The following ERG variants were observed in gnomAD, a reference collection of about 807,000 sequenced individuals.
ERG encodes transcriptional regulator ERG.
In ERG, 9 loss-of-function variants were observed where a neutral mutation model predicts 55.3. The observed-to-expected ratio is 0.16, with a 90% CI of 0.10 to 0.28. The LOEUF (loss-of-function observed/expected upper bound fraction) is 0.28. Among genes scored for constraint, ERG ranks in the 10% least tolerant of loss-of-function variants. The probability of loss-of-function intolerance (pLI) is 1.00; values close to 1 mark genes in which losing one functional copy is unlikely to be tolerated. For synonymous variants in ERG, 223 were observed against 237.3 expected, an observed-to-expected ratio of 0.94 and a Z score of 0.55; for missense variants, 434 against 631.6, an observed-to-expected ratio of 0.69 and a Z score of 3.35.
chr21:38,523,593 T>C (rs2059610200), intron 2 of ERG, among the ~76,000 whole-genome samples: 1 of 152,182 alleles, frequency 6.6e-6, no homozygotes, highest in South Asian at 2.1e-4. Context: ...CCCTGATGAA[T>C]GTTCAATATC....
chr21:38,575,851 A>G, intron 1 of ERG: 1 of 851,918 alleles, frequency 1.2e-6, no homozygotes, highest in Non-Finnish European at 1.9e-6. Flanking sequence ...AAAGAATCAT[A>G]GCTTTACATT....
rs78610550 is a variant in ERG at position 38,460,548 on chromosome 21, G to A, written c.19-14927C>T. ...AGCCATCCTTTGTCCCACATGCAAC[G>A]GGAACTTCCATTCATCATCACATGC... On this transcript the variant is annotated intron_variant, in intron 1 of 9. Coordinates refer to ENST00000288319, the MANE Select transcript of ERG (RefSeq NM_182918.4). The surrounding 1 kb of genome is among the most constrained non-coding windows in gnomAD (Gnocchi z 5.0). Among the ~76,000 whole-genome samples, 315 of 152,224 alleles carry A rather than the reference G, an allele frequency of 2.1e-3. 1 individual carries two copies. Among genetic ancestry groups the A allele is most frequent in the Non-Finnish European group, 2.8e-3 (188 of 68,022 alleles).
At chr21:38,556,008 A>G (rs1393836498) in intron 2 of ERG, among the ~76,000 whole-genome samples, 2 of 152,228 alleles carry the variant, frequency 1.3e-5, no homozygotes, top group East Asian at 1.9e-4. Context: ...AGGATATTCA[A>G]CATAGCCCTG....
intron 2 of ERG, among the ~76,000 whole-genome samples, chr21:38,558,716 C>T (rs940327874): frequency 6.6e-6 from 1 of 152,130 alleles, no homozygotes; most frequent in Non-Finnish European, 1.5e-5. Context: ...AAAGAAATCT[C>T]CCCGATTTAC....
intron 1 of ERG, among the ~76,000 whole-genome samples, chr21:38,476,982 G>T (rs7277249): frequency 1 from 147,573 of 147,574 alleles, 73,786 homozygotes; most frequent in Non-Finnish European, 1. Flanking sequence ...ATGCTTGAGA[G>T]ATTCTTTTTT....
intron 2 of ERG, among the ~76,000 whole-genome samples, chr21:38,551,184 G>GA (rs1172328239): frequency 2.0e-5 from 3 of 151,188 alleles, no homozygotes; most frequent in African/African-American, 7.3e-5. Flanking sequence ...TGTGGGTTCA[G>GA]TGGTAATGTC....
chr21:38,453,813 G>T (rs567677452), intron 1 of ERG, among the ~76,000 whole-genome samples: 3 of 151,852 alleles, frequency 2.0e-5, no homozygotes, highest in South Asian at 2.1e-4. Flanking sequence ...GAACCCGGGA[G>T]GGGGAGGCTG....
chr21:38,369,512 T>C, the ERG span, among the ~76,000 whole-genome samples: 1 of 152,234 alleles, frequency 6.6e-6, no homozygotes, highest in Non-Finnish European at 1.5e-5. Flanking sequence ...TCCTTATAGA[T>C]GCTGGATATT....
chr21:38,417,312 A>G (rs1989324248), intron 3 of ERG, among the ~76,000 whole-genome samples: 1 of 152,252 alleles, frequency 6.6e-6, no homozygotes, highest in South Asian at 2.1e-4. Flanking sequence ...ACACAGTAAG[A>G]GTTTAATGAA....
intron 1 of ERG, among the ~76,000 whole-genome samples, chr21:38,594,723 C>T (rs78074462): frequency 0.011 from 1,701 of 152,210 alleles, 26 homozygotes; most frequent in African/African-American, 0.038. Flanking sequence ...CTTATATGGA[C>T]GTCAGAGAGG....
intron 6 of ERG, among the ~76,000 whole-genome samples, chr21:38,397,673 G>A (rs576370601): frequency 6.6e-6 from 1 of 151,996 alleles, no homozygotes; most frequent in South Asian, 2.1e-4. Context: ...GTAACCCAGG[G>A]ATGGGTGACT....
At chr21:38,398,072 C>G (rs1412894676) in intron 6 of ERG, among the ~76,000 whole-genome samples, 1 of 152,154 alleles carries the variant, frequency 6.6e-6, no homozygotes, top group Non-Finnish European at 1.5e-5. Context: ...TTCAAAGAAA[C>G]AGTCAACAAT....
chr21:38,660,714 C>A (rs2060548741), intron 1 of ERG: 1 of 151,922 alleles, frequency 6.6e-6, no homozygotes, highest in Non-Finnish European at 1.5e-5. Flanking sequence ...TCCCGCCAAT[C>A]GCGGAGCAGG....
chr21:38,620,686 C>T lies in ERG; in HGVS notation c.-149-35741G>A, dbSNP rs528863552. On this transcript the variant is annotated intron_variant, in intron 1 of 10. Coordinates refer to the ERG transcript ENST00000398910. ...CATGGATTTTGGAGAAAGAAAGATG[C>T]AGGCCTAAACGTGGACTCTATCATT... 4.6e-5 allele frequency among the ~76,000 whole-genome samples: 7 copies of T among 152,294 alleles called. No individual in the cohort carries two copies. The South Asian group carries it at 1.2e-3, about 27-fold the overall frequency.
chr21:38,612,241 C>T (rs2060231998), intron 1 of ERG, among the ~76,000 whole-genome samples: 1 of 152,144 alleles, frequency 6.6e-6, no homozygotes, highest in Admixed American at 6.5e-5. Context: ...TCACATTTTC[C>T]TCAAAAATAG....
chr21:38,507,669 TCCCCTGGGATGGGTG>T (rs1258809496), intron 2 of ERG, among the ~76,000 whole-genome samples: 1 of 152,108 alleles, frequency 6.6e-6, no homozygotes, highest in East Asian at 1.9e-4. Flanking sequence ...AACTTGGGAC[TCCCCTGGGATGGGTG>T]AGGTTCTCTC....
Position 38,440,437 on chromosome 21 carries a change from A to T in ERG, c.236+4967T>A, listed in dbSNP as rs185181097. Among the ~76,000 whole-genome samples the T allele has an allele frequency of 4.9e-3, 742 of 152,302 alleles. 6 individuals are homozygous for T. Among genetic ancestry groups the T allele is most frequent in the African/African-American group, 0.017 (708 of 41,580 alleles). On this transcript the variant is annotated intron_variant, in intron 2 of 9. Coordinates refer to ENST00000288319, the MANE Select transcript of ERG (RefSeq NM_182918.4). ...CTGGCCCCTCGAGCTGGGCTGACACAGCCCGGTGCTGGTTCACGGTGTCCA... is the reference window on the plus strand; with the variant it reads ...CTGGCCCCTCGAGCTGGGCTGACACTGCCCGGTGCTGGTTCACGGTGTCCA...
chr21:38,485,038 C>T (rs1000369827), intron 1 of ERG, among the ~76,000 whole-genome samples: 2 of 151,864 alleles, frequency 1.3e-5, no homozygotes. Flanking sequence ...TGTAAAACAG[C>T]CTCAGGCAGG....
chr21:38,400,788 A>T (rs1187565397), intron 5 of ERG, 143 bp from the exon 6 acceptor site: 4 of 615,014 alleles, frequency 6.5e-6, no homozygotes, highest in Non-Finnish European at 1.2e-5. Context: ...CCGGAGAAAC[A>T]GACAGGTGCA....
Sources: gnomAD v4.1 joint callset for allele counts (sites outside exome capture counted in the v4.1 genomes callset) on GRCh38, gnomAD v4.1.1 for gene constraint, Gnocchi (gnomAD v3.1) non-coding constraint, MANE v1.5 for transcripts, NCBI Gene and HGNC (gene_info 2026-07-23, HGNC 2026-07-21) for gene names.